Variants in GRM8 observed in about 807,000 individuals in gnomAD.
The protein encoded by GRM8 is metabotropic glutamate receptor 8.
Under a neutral mutation model 87.2 loss-of-function variants are expected in GRM8, and 47 were observed. The ratio of observed to expected loss-of-function variants is 0.54; its 90% CI spans 0.43 to 0.69. The LOEUF (loss-of-function observed/expected upper bound fraction) is 0.69, where lower values mean the gene tolerates loss of function less well. GRM8 is among the 30% of genes least tolerant of loss of function. The pLI is 0.00. For synonymous variants in GRM8, 396 were observed against 404.5 expected, an observed-to-expected ratio of 0.98 and a Z score of 0.25; for missense variants, 1,019 against 1,139.2, an observed-to-expected ratio of 0.89 and a Z score of 1.52.
intron 3 of GRM8, among the ~76,000 whole-genome samples, chr7:126,958,610 G>A (rs1256687411): frequency 6.6e-6 from 1 of 152,102 alleles, no homozygotes; most frequent in African/African-American, 2.4e-5. Flanking sequence ...AGCAGGTGTG[G>A]GATCCAGACT....
chr7:126,955,607 A>T (rs540192602), intron 3 of GRM8, among the ~76,000 whole-genome samples: 16 of 152,306 alleles, frequency 1.1e-4, no homozygotes, highest in Non-Finnish European at 1.8e-4. Flanking sequence ...AGGGTGTTCC[A>T]TAGGCTCAAA....
Position 126,910,003 on chromosome 7 carries a change from C to CT in GRM8, c.728-5321dup, listed in dbSNP as rs34678163. Among the ~76,000 whole-genome samples, 226 of 149,052 alleles carry CT rather than the reference C, an allele frequency of 1.5e-3. 1 individual carries two copies. The highest frequency in any genetic ancestry group is 1.1e-3 in the South Asian group (5 of 4,698). ...ATAAGATAAAGCAAATTTAAAGACTCTTTTTTTTTTTAAAACCCTGCCAGT... is the reference window on the plus strand; with the variant it reads ...ATAAGATAAAGCAAATTTAAAGACTCTTTTTTTTTTTTAAAACCCTGCCAGT... On this transcript the variant is annotated intron_variant, in intron 3 of 10. Transcript: ENST00000339582.
At position 126,856,354 on chromosome 7, in the gene GRM8, AT is replaced by A. The variant is rs368855363; in HGVS notation, c.1156+46187del. On this transcript the variant is annotated intron_variant, in intron 6 of 10. Coordinates refer to ENST00000339582, the MANE Select transcript of GRM8 (RefSeq NM_000845.3). ...CAAATAACAAAACTAACATCGCCAC[AT>A]TTTTTTTTTAACAATCTGTTCTGAA... is the stretch of plus-strand genomic sequence containing the variant. Among the ~76,000 whole-genome samples the A allele has an allele frequency of 1.0e-2, 1,494 of 149,868 alleles. 40 individuals are homozygous for A. The highest frequency in any genetic ancestry group is 0.089 in the East Asian group (459 of 5,146).
intron 7 of GRM8, among the ~76,000 whole-genome samples, chr7:126,714,267 G>A (rs548537541): frequency 1.6e-4 from 22 of 141,076 alleles, no homozygotes; most frequent in African/African-American, 5.6e-4. Context: ...GACAGAGCAA[G>A]ACTCCATCTC....
intron 3 of GRM8, among the ~76,000 whole-genome samples, chr7:126,976,611 A>C (rs1222349231): frequency 1.3e-5 from 2 of 151,952 alleles, no homozygotes; most frequent in African/African-American, 4.8e-5. Flanking sequence ...CAACAACAAC[A>C]AAAAAAACGA....
chr7:126,616,330 G>A (rs1799487328), intron 7 of GRM8, among the ~76,000 whole-genome samples: 2 of 152,130 alleles, frequency 1.3e-5, no homozygotes. Flanking sequence ...AAACCAATGA[G>A]AACAAAGACA....
intron 7 of GRM8, among the ~76,000 whole-genome samples, chr7:126,756,291 A>G (rs964975558): frequency 2.6e-5 from 4 of 152,106 alleles, no homozygotes; most frequent in Non-Finnish European, 4.4e-5. Flanking sequence ...ACCTAAATGT[A>G]AAAGGGAAAA....
intron 8 of GRM8, among the ~76,000 whole-genome samples, chr7:126,607,380 C>T (rs543382568): frequency 3.9e-5 from 6 of 152,218 alleles, no homozygotes; most frequent in South Asian, 2.1e-4. Flanking sequence ...AATTTCTCAT[C>T]GTCTAATTTT....
intron 7 of GRM8, among the ~76,000 whole-genome samples, chr7:126,733,417 G>C (rs1813829130): frequency 1.3e-5 from 2 of 149,840 alleles, no homozygotes; most frequent in Admixed American, 1.3e-4. Context: ...AATGAACAGT[G>C]TCTCTTTCTT....
At chr7:127,097,902 C>T (rs548177768) in intron 3 of GRM8, among the ~76,000 whole-genome samples, 2 of 152,316 alleles carry the variant, frequency 1.3e-5, no homozygotes, top group South Asian at 2.1e-4. Context: ...TATTTGAATG[C>T]TGTTTGCTGT....
intron 7 of GRM8, among the ~76,000 whole-genome samples, chr7:126,667,529 A>T (rs1221818521): frequency 1.3e-5 from 2 of 152,244 alleles, no homozygotes; most frequent in African/African-American, 4.8e-5. Context: ...ACAACTTCCT[A>T]AAGCTACTAC....
intron 3 of GRM8, among the ~76,000 whole-genome samples, chr7:127,058,397 C>T (rs1026947392): frequency 1.3e-5 from 2 of 152,114 alleles, no homozygotes; most frequent in Non-Finnish European, 2.9e-5. Flanking sequence ...ATAGTTTTCA[C>T]GGGGATAGAT....
At chr7:127,117,613 T>C (rs1318541646) in intron 2 of GRM8, among the ~76,000 whole-genome samples, 10 of 152,218 alleles carry the variant, frequency 6.6e-5, no homozygotes, top group Non-Finnish European at 5.9e-5. Context: ...CAAAAAATAA[T>C]AAATTACATT....
chr7:126,625,729 CA>C (rs1271284101), intron 7 of GRM8, among the ~76,000 whole-genome samples: 1 of 151,864 alleles, frequency 6.6e-6, no homozygotes, highest in East Asian at 1.9e-4. Context: ...CTCAGGGAAG[CA>C]GATGAATTAG....
rs1373898416 is a variant in GRM8, at chr7:126,748,148, G to C, written c.1357+21717C>G. ...TCCAGTACAATTCAACATTGTAATG[G>C]AAGACCTAACCAGTAGCATAAATTA... On this transcript the variant is annotated intron_variant, in intron 7 of 10. Coordinates refer to ENST00000339582, the MANE Select transcript of GRM8 (RefSeq NM_000845.3). Among the ~76,000 whole-genome samples the C allele has an allele frequency of 2.0e-5, 3 of 151,930 alleles. No individual in the cohort carries two copies. In the East Asian group the frequency reaches 5.8e-4, roughly 29 times the overall value.
chr7:127,106,841 T>C lies in GRM8; in HGVS notation c.511-129A>G, dbSNP rs1825853826. ...ATCAACCTGAAGCCAAAATACAGTT[T>C]TATGACTACCAATTTAATTGGAAAG... On this transcript the variant is annotated intron_variant, in intron 2 of 10. Coordinates refer to ENST00000339582, the MANE Select transcript of GRM8 (RefSeq NM_000845.3). The C allele has an allele frequency of 9.1e-6, 6 of 657,780 alleles. No homozygotes were observed. The Admixed American group carries it at 1.5e-4, about 17-fold the overall frequency. The allele number at this position is 657,780 out of a possible 1,614,324, so 40.7% of individuals were successfully genotyped here.
chr7:127,172,708 C>CAA (rs61607299), intron 2 of GRM8, among the ~76,000 whole-genome samples: 1 of 131,102 alleles, frequency 7.6e-6, no homozygotes, highest in African/African-American at 2.7e-5. Flanking sequence ...GACTCCGTCT[C>CAA]AAAAAAAAAA....
chr7:127,152,844 T>G (rs1792483652), intron 2 of GRM8, among the ~76,000 whole-genome samples: 1 of 152,186 alleles, frequency 6.6e-6, no homozygotes, highest in African/African-American at 2.4e-5. Context: ...TTCATAGGAC[T>G]ACAGTTCAAC....
intron 6 of GRM8, among the ~76,000 whole-genome samples, chr7:126,778,836 A>G (rs1352784133): frequency 3.9e-5 from 6 of 152,124 alleles, no homozygotes; most frequent in Non-Finnish European, 8.8e-5. Context: ...TTTTAAAAAT[A>G]CAGTCTATTT....
Sources: allele counts gnomAD v4.1 joint callset (sites outside exome capture counted in the v4.1 genomes callset), GRCh38; gene constraint gnomAD v4.1.1; transcripts MANE v1.5; gene names NCBI Gene and HGNC (gene_info 2026-07-23, HGNC 2026-07-21).